CSMD1: variants seen among roughly 807,000 people sequenced by gnomAD.
The protein encoded by CSMD1 is CUB and Sushi multiple domains 1, also known as CUB and sushi domain-containing protein 1.
CSMD1 carries 213 observed loss-of-function variants against 417.5 expected under a neutral mutation model. The observed-to-expected ratio is 0.51, with a 90% CI of 0.46 to 0.57. The LOEUF (loss-of-function observed/expected upper bound fraction) is 0.57, where lower values mean the gene tolerates loss of function less well. Ranked by LOEUF, CSMD1 falls within the 20% of genes least tolerant of loss-of-function variation. The pLI, the probability that CSMD1 is intolerant of heterozygous loss-of-function variation, is 0.00. For synonymous variants in CSMD1, 2,862 were observed against 1,736.8 expected (o/e 1.65, Z -16.11); for missense variants, 6,923 against 4,529.7 (o/e 1.53, Z -15.17).
chr8:4,612,881 C>T (rs1193243343), intron 2 of CSMD1, among the ~76,000 whole-genome samples: 1 of 152,174 alleles, frequency 6.6e-6, no homozygotes, highest in African/African-American at 2.4e-5. Flanking sequence ...TACTAGAATA[C>T]TTTCTTATGC....
intron 5 of CSMD1, among the ~76,000 whole-genome samples, chr8:3,800,553 C>T (rs958111111): frequency 2.6e-5 from 4 of 152,108 alleles, no homozygotes; most frequent in African/African-American, 4.8e-5. Context: ...TATGCAATGG[C>T]TTGGATATGG....
chr8:4,585,951 T>C (rs1409512231), intron 2 of CSMD1, among the ~76,000 whole-genome samples: 1 of 152,226 alleles, frequency 6.6e-6, no homozygotes, highest in Non-Finnish European at 1.5e-5. Context: ...TTTGTGGGAT[T>C]TAATATATTA....
chr8:3,865,552 G>A lies in CSMD1; in HGVS notation c.819-111510C>T, dbSNP rs569095487. ...GTGGAGGCAATGAGGGACCAAGCAG[G>A]CACGTACAGTGGGAAGCCGCAGGAG... On this transcript the variant is annotated intron_variant, in intron 5 of 69. Transcript: ENST00000635120. 2.8e-3 allele frequency among the ~76,000 whole-genome samples: 420 copies of A among 152,162 alleles called. 2 individuals are homozygous for A. Among genetic ancestry groups the A allele is most frequent in the Non-Finnish European group, 2.9e-3 (199 of 68,002 alleles).
intron 49 of CSMD1, among the ~76,000 whole-genome samples, chr8:3,073,715 C>CA (rs766214951): frequency 4.0e-5 from 6 of 148,754 alleles, no homozygotes; most frequent in Non-Finnish European, 8.9e-5. Flanking sequence ...AAAGAACTTT[C>CA]AATAAAATTG....
chr8:4,220,978 C>G (rs1800996322), intron 3 of CSMD1, among the ~76,000 whole-genome samples: 1 of 152,180 alleles, frequency 6.6e-6, no homozygotes, highest in African/African-American at 2.4e-5. Flanking sequence ...CAGAGGAGCC[C>G]TTGGGGTGCT....
chr8:3,383,125 A>G (rs549101177), intron 18 of CSMD1, among the ~76,000 whole-genome samples: 7 of 152,154 alleles, frequency 4.6e-5, no homozygotes, highest in Non-Finnish European at 1.0e-4. Flanking sequence ...TTTTAGATGG[A>G]TTGAAGTTAT....
chr8:4,186,916 A>T (rs563171418), intron 3 of CSMD1, among the ~76,000 whole-genome samples: 4 of 152,184 alleles, frequency 2.6e-5, no homozygotes, highest in Admixed American at 6.5e-5. Flanking sequence ...GAATCACCTG[A>T]ACCCACGAGG....
At position 4,455,273 on chromosome 8, in the gene CSMD1, A is replaced by C. The variant is rs1040750869; in HGVS notation, c.303-35208T>G. Among the ~76,000 whole-genome samples the C allele has an allele frequency of 2.0e-5, 3 of 152,226 alleles. No individual in the cohort carries two copies. The South Asian group carries it at 6.2e-4, about 32-fold the overall frequency. Reference sequence around the variant, plus strand: ...TCCCCAGGTTAAAAAAAATAGGAGAAGGAGAACTTCATGATGGATTCTTGC... The same window carrying C: ...TCCCCAGGTTAAAAAAAATAGGAGACGGAGAACTTCATGATGGATTCTTGC... On this transcript the variant is annotated intron_variant, in intron 2 of 69. Coordinates refer to ENST00000635120, the MANE Select transcript of CSMD1 (RefSeq NM_033225.6).
chr8:3,253,415 C>G (rs958306450), intron 26 of CSMD1, among the ~76,000 whole-genome samples: 34 of 152,202 alleles, frequency 2.2e-4, no homozygotes, highest in Non-Finnish European at 4.1e-4. Context: ...AATTTCTGTT[C>G]TTTTACATTT....
intron 1 of CSMD1, among the ~76,000 whole-genome samples, chr8:4,983,691 T>A (rs535528144): frequency 6.6e-6 from 1 of 151,550 alleles, no homozygotes; most frequent in Non-Finnish European, 1.5e-5. Flanking sequence ...CCCAGCTAAT[T>A]TTTTTTTTCG....
chr8:2,965,942 C>G lies in CSMD1; in HGVS notation c.9113G>C (p.Gly3038Ala). 6.2e-7 allele frequency: 1 copy of G among 1,604,696 alleles called. No individual in the cohort carries two copies. Among genetic ancestry groups the G allele is most frequent in the South Asian group, 1.1e-5 (1 of 88,986 alleles). ...GCCATTTGCTAGTGTGCCTGGATCCCCACAACTTATAACTAATAAACAGGG... is the reference window on the plus strand; with the variant it reads ...GCCATTTGCTAGTGTGCCTGGATCCGCACAACTTATAACTAATAAACAGGG... ...TAPDCTIISC[G>A]DPGTLANGIQ... Residue 3038 changes from glycine (G) to alanine (A), a missense_variant, in exon 59 of 70, where the codon GGG (glycine) becomes GCG (alanine). Coordinates refer to ENST00000635120, the MANE Select transcript of CSMD1 (RefSeq NM_033225.6).
intron 1 of CSMD1, among the ~76,000 whole-genome samples, chr8:4,959,774 C>T (rs979277124): frequency 4.9e-4 from 74 of 152,196 alleles, no homozygotes; most frequent in African/African-American, 1.8e-3. Context: ...GACCTTTGTT[C>T]TGACTGTTGC....
At chr8:3,852,328 A>T (rs2975383) in intron 5 of CSMD1, among the ~76,000 whole-genome samples, 3 of 152,058 alleles carry the variant, frequency 2.0e-5, no homozygotes, top group Non-Finnish European at 2.9e-5. Flanking sequence ...GGAGCAAGGG[A>T]GAATGGCCCG....
At chr8:3,989,625 T>A (rs141251580) in intron 5 of CSMD1, among the ~76,000 whole-genome samples, 1 of 152,120 alleles carries the variant, frequency 6.6e-6, no homozygotes, top group Non-Finnish European at 1.5e-5. Flanking sequence ...AAATTTATAA[T>A]TCAAAAAAAA....
intron 3 of CSMD1, among the ~76,000 whole-genome samples, chr8:4,374,902 C>G (rs901730560): frequency 7.6e-6 from 1 of 130,764 alleles, no homozygotes; most frequent in Non-Finnish European, 1.5e-5. Flanking sequence ...AGCCAATGAT[C>G]TGTTCCAGGT....
intron 17 of CSMD1, among the ~76,000 whole-genome samples, chr8:3,394,081 C>G (rs1201928739): frequency 8.6e-6 from 1 of 116,724 alleles, no homozygotes; most frequent in South Asian, 2.7e-4. Context: ...TGGCAAAGAG[C>G]TTTACTCTCT....
intron 4 of CSMD1, among the ~76,000 whole-genome samples, chr8:4,022,184 G>GTATATA (rs10631130): frequency 6.9e-4 from 82 of 118,064 alleles, no homozygotes; most frequent in African/African-American, 2.1e-3. Flanking sequence ...ATATTTATGT[G>GTATATA]TATATATATA....
intron 3 of CSMD1, among the ~76,000 whole-genome samples, chr8:4,324,678 A>G (rs928002434): frequency 2.6e-5 from 4 of 152,232 alleles, no homozygotes; most frequent in Non-Finnish European, 4.4e-5. Context: ...CTCAGAGGAT[A>G]TAAGGGCAAA....
intron 2 of CSMD1, among the ~76,000 whole-genome samples, chr8:4,606,439 G>C (rs1489535562): frequency 6.6e-6 from 1 of 152,086 alleles, no homozygotes; most frequent in Non-Finnish European, 1.5e-5. Context: ...TGCTGCTAGT[G>C]GCTGTTCTTC....
Sources: allele counts gnomAD v4.1 joint callset (sites outside exome capture counted in the v4.1 genomes callset), GRCh38; gene constraint gnomAD v4.1.1; transcripts MANE v1.5; gene names NCBI Gene and HGNC (gene_info 2026-07-23, HGNC 2026-07-21).